CNTNAP2: variants seen among roughly 807,000 people sequenced by gnomAD.
CNTNAP2 encodes the protein contactin associated protein 2, also known as contactin-associated protein-like 2.
In CNTNAP2, 98 loss-of-function variants were observed where a neutral mutation model predicts 155.2. The ratio of observed to expected loss-of-function variants is 0.63; its 90% CI spans 0.54 to 0.75. CNTNAP2 has a LOEUF of 0.75. CNTNAP2 is among the 30% of genes least tolerant of loss of function. The pLI, the probability that CNTNAP2 is intolerant of heterozygous loss-of-function variation, is 0.00. For missense variants in CNTNAP2, 1,727 were observed against 1,688.1 expected, an observed-to-expected ratio of 1.02 and a Z score of -0.40; for synonymous variants, 651 against 631.2, an observed-to-expected ratio of 1.03 and a Z score of -0.47.
intron 8 of CNTNAP2, among the ~76,000 whole-genome samples, chr7:147,188,438 T>C (rs1802612654): frequency 6.6e-6 from 1 of 152,190 alleles, no homozygotes; most frequent in African/African-American, 2.4e-5. Flanking sequence ...GTAATATTGA[T>C]AGAAGAGGGA....
intron 1 of CNTNAP2, among the ~76,000 whole-genome samples, chr7:146,721,273 CTATA>C (rs1296317681): frequency 1.4e-4 from 16 of 115,542 alleles, no homozygotes; most frequent in African/African-American, 2.5e-4. Context: ...TCTATATATT[CTATA>C]TATATTCTAT....
At chr7:147,142,810 A>T (rs1801626750) in intron 8 of CNTNAP2, among the ~76,000 whole-genome samples, 1 of 152,114 alleles carries the variant, frequency 6.6e-6, no homozygotes, top group African/African-American at 2.4e-5. Context: ...ACATGCACAA[A>T]CTATGCTCCA....
At chr7:147,705,151 ATTGT>A (rs1415982853) in intron 13 of CNTNAP2, among the ~76,000 whole-genome samples, 1 of 114,784 alleles carries the variant, frequency 8.7e-6, no homozygotes, top group Non-Finnish European at 1.8e-5. Context: ...GGTGCATTAG[ATTGT>A]TTATTGAAAT....
At chr7:146,404,958 A>T (rs185237419) in intron 1 of CNTNAP2, among the ~76,000 whole-genome samples, 1 of 152,244 alleles carries the variant, frequency 6.6e-6, no homozygotes, top group East Asian at 1.9e-4. Flanking sequence ...GTAATGACAT[A>T]TTTATCAATG....
chr7:147,644,813 G>A (rs189135883), intron 13 of CNTNAP2, among the ~76,000 whole-genome samples: 1 of 152,168 alleles, frequency 6.6e-6, no homozygotes, highest in African/African-American at 2.4e-5. Flanking sequence ...TACATACATT[G>A]TAGTCATATA....
At chr7:147,939,606 C>T (rs1451969060) in intron 14 of CNTNAP2, among the ~76,000 whole-genome samples, 3 of 152,108 alleles carry the variant, frequency 2.0e-5, no homozygotes, top group Non-Finnish European at 4.4e-5. Context: ...GGATTACAGG[C>T]GTGAGCCACC....
At chr7:148,198,282 G>T (rs145817162) in intron 18 of CNTNAP2, among the ~76,000 whole-genome samples, 1 of 152,316 alleles carries the variant, frequency 6.6e-6, no homozygotes, top group Non-Finnish European at 1.5e-5. Context: ...TCTTTGAGGT[G>T]ATAGGTTTGG....
At chr7:147,955,370 T>A (rs1487632571) in intron 14 of CNTNAP2, among the ~76,000 whole-genome samples, 2 of 152,168 alleles carry the variant, frequency 1.3e-5, no homozygotes, top group Non-Finnish European at 2.9e-5. Context: ...CTTATTAGCA[T>A]AACATGCTTT....
chr7:148,123,597 G>T (rs771145807), intron 16 of CNTNAP2, among the ~76,000 whole-genome samples: 2 of 150,610 alleles, frequency 1.3e-5, no homozygotes, highest in Non-Finnish European at 3.0e-5. Context: ...AGACCTCGAG[G>T]AAGGGAGAGA....
At chr7:147,198,015 A>G (rs548774366) in intron 8 of CNTNAP2, among the ~76,000 whole-genome samples, 2 of 152,294 alleles carry the variant, frequency 1.3e-5, no homozygotes, top group East Asian at 3.9e-4. Context: ...AATTCCTATG[A>G]TTCTTTAAAA....
At chr7:146,564,055 G>C (rs1217930327) in intron 1 of CNTNAP2, among the ~76,000 whole-genome samples, 2 of 152,136 alleles carry the variant, frequency 1.3e-5, no homozygotes, top group Non-Finnish European at 2.9e-5. Flanking sequence ...AGTAGGCAAG[G>C]CTGGAGATCC....
intron 10 of CNTNAP2, among the ~76,000 whole-genome samples, chr7:147,484,670 C>A (rs1798481258): frequency 6.6e-6 from 1 of 152,194 alleles, no homozygotes; most frequent in Non-Finnish European, 1.5e-5. Flanking sequence ...CCAAACTGAG[C>A]CAAGCCCAGC....
At chr7:146,903,552 G>A (rs1355707834) in intron 3 of CNTNAP2, among the ~76,000 whole-genome samples, 1 of 152,134 alleles carries the variant, frequency 6.6e-6, no homozygotes, top group Non-Finnish European at 1.5e-5. Flanking sequence ...TACAAAATTA[G>A]TGAATTCATC....
Position 147,117,743 on chromosome 7 carries a change from T to C in CNTNAP2, c.755-3236T>C, listed in dbSNP as rs558282582. ...TTTATTACTTTGAAATTCAGTATTA[T>C]ACTAAAAATTGCAACTTCACTTAGG... On this transcript the variant is annotated intron_variant, in intron 5 of 23. Transcript: ENST00000361727. 2.2e-3 allele frequency among the ~76,000 whole-genome samples: 333 copies of C among 152,308 alleles called. 5 individuals are homozygous for C. Among genetic ancestry groups the C allele is most frequent in the African/African-American group, 7.1e-3 (296 of 41,564 alleles).
intron 13 of CNTNAP2, among the ~76,000 whole-genome samples, chr7:147,888,729 G>A (rs1403467582): frequency 6.7e-6 from 1 of 148,242 alleles, no homozygotes; most frequent in African/African-American, 2.4e-5. Context: ...ACAAACTATT[G>A]TGAGAAAATA....
At chr7:147,296,332 T>G (rs1805443634) in intron 8 of CNTNAP2, among the ~76,000 whole-genome samples, 1 of 152,204 alleles carries the variant, frequency 6.6e-6, no homozygotes, top group Non-Finnish European at 1.5e-5. Context: ...GAAGATAGGG[T>G]CTTCAGTGCA....
chr7:147,424,791 T>C (rs1352805380), intron 10 of CNTNAP2, among the ~76,000 whole-genome samples: 1 of 152,188 alleles, frequency 6.6e-6, no homozygotes, highest in African/African-American at 2.4e-5. Context: ...GTTTTCTCCA[T>C]GCAAGTAAAT....
At chr7:147,445,934 T>C (rs1446889046) in intron 10 of CNTNAP2, among the ~76,000 whole-genome samples, 1 of 151,950 alleles carries the variant, frequency 6.6e-6, no homozygotes, top group Non-Finnish European at 1.5e-5. Flanking sequence ...AATTTTAAGA[T>C]GATTCTACTA....
intron 17 of CNTNAP2, among the ~76,000 whole-genome samples, chr7:148,152,664 G>C (rs1014544739): frequency 2.6e-5 from 4 of 152,178 alleles, no homozygotes; most frequent in African/African-American, 9.7e-5. Context: ...TACAAAGGCA[G>C]TTTCAATCTT....
Sources: allele counts gnomAD v4.1 joint callset (sites outside exome capture counted in the v4.1 genomes callset), GRCh38; gene constraint gnomAD v4.1.1; transcripts MANE v1.5; gene names NCBI Gene and HGNC (gene_info 2026-07-23, HGNC 2026-07-21).